HOMER1: variants seen among roughly 807,000 people sequenced by gnomAD.
HOMER1 encodes homer protein homolog 1.
A neutral mutation model predicts 48.9 loss-of-function variants in HOMER1; 3 were observed. The ratio of observed to expected loss-of-function variants is 0.06; its 90% CI spans 0.03 to 0.16. The LOEUF (loss-of-function observed/expected upper bound fraction) is 0.16, where lower values mean the gene tolerates loss of function less well. Among genes scored for constraint, HOMER1 ranks in the 10% least tolerant of loss-of-function variants. HOMER1 has a pLI of 1.00. For missense variants in HOMER1, 247 were observed against 411.4 expected, an observed-to-expected ratio of 0.60 and a Z score of 3.46; for synonymous variants, 134 against 146.4, an observed-to-expected ratio of 0.92 and a Z score of 0.61.
chr5:79,412,212 C>T (rs1001466468), intron 5 of HOMER1, among the ~76,000 whole-genome samples: 6 of 152,098 alleles, frequency 3.9e-5, no homozygotes, highest in African/African-American at 1.2e-4. Flanking sequence ...TGGGGTCAAT[C>T]CCTAACTATG....
chr5:79,377,225 A>T (rs1580407887), intron 8 of HOMER1, among the ~76,000 whole-genome samples: 1 of 152,122 alleles, frequency 6.6e-6, no homozygotes, highest in South Asian at 2.1e-4. Context: ...CTCGGCCTCC[A>T]AATGTGCTAG....
chr5:79,435,331 A>C (rs1171878961), intron 5 of HOMER1, among the ~76,000 whole-genome samples: 3 of 152,220 alleles, frequency 2.0e-5, no homozygotes, highest in African/African-American at 7.2e-5. Flanking sequence ...TGGCTTGCTA[A>C]GTAGCTATTA....
At chr5:79,499,432 T>G (rs997588264) in intron 1 of HOMER1, among the ~76,000 whole-genome samples, 1 of 152,218 alleles carries the variant, frequency 6.6e-6, no homozygotes, top group African/African-American at 2.4e-5. Flanking sequence ...GGGTTTGGAC[T>G]GCACCAGTAT....
At chr5:79,463,719 A>G (rs1290349148) in intron 1 of HOMER1, among the ~76,000 whole-genome samples, 8 of 152,244 alleles carry the variant, frequency 5.3e-5, no homozygotes, top group Non-Finnish European at 1.2e-4. Flanking sequence ...ACTTCATAAC[A>G]CCACCCCACA....
At chr5:79,402,101 G>T (rs777481676) in intron 5 of HOMER1, 46 bp from the exon 6 acceptor site, 3 of 1,512,418 alleles carry the variant, frequency 2.0e-6, no homozygotes, top group Admixed American at 3.6e-5. Flanking sequence ...ACCAACTACT[G>T]TTACCTTGAA....
chr5:79,475,427 A>G lies in HOMER1; in HGVS notation c.6-18409T>C, dbSNP rs1281701092. ...AATGCTGAAAAAATTAAATTCTTAGACTTTTTTTTTTTTTTTTTTTGCACC... is the reference window on the plus strand; with the variant it reads ...AATGCTGAAAAAATTAAATTCTTAGGCTTTTTTTTTTTTTTTTTTTGCACC... On this transcript the variant is annotated intron_variant, in intron 1 of 8. Transcript: ENST00000334082. Among the ~76,000 whole-genome samples, 7 of 128,070 alleles carry G rather than the reference A, an allele frequency of 5.5e-5. No homozygotes were observed. The East Asian group carries it at 1.6e-3, about 30-fold the overall frequency. The allele number at this position is 128,070 out of a possible 152,430, so 84.0% of individuals were successfully genotyped here.
intron 4 of HOMER1, 112 bp from the exon 5 acceptor site, chr5:79,439,261 C>A: frequency 1.1e-6 from 1 of 909,676 alleles, no homozygotes. Context: ...AACCAAATTT[C>A]AACTGAAATT....
At chr5:79,453,723 T>C (rs575674185) in intron 2 of HOMER1, among the ~76,000 whole-genome samples, 2 of 152,282 alleles carry the variant, frequency 1.3e-5, no homozygotes, top group South Asian at 4.1e-4. Context: ...CTCTGTAGAA[T>C]AATCAGAAAA....
intron 5 of HOMER1, among the ~76,000 whole-genome samples, chr5:79,421,456 A>G (rs1489922560): frequency 6.6e-6 from 1 of 152,232 alleles, no homozygotes. Context: ...AAGAAATAAT[A>G]TAACATATAA....
At chr5:79,509,336 T>C (rs1015858680) in intron 1 of HOMER1, among the ~76,000 whole-genome samples, 2 of 152,176 alleles carry the variant, frequency 1.3e-5, no homozygotes, top group Non-Finnish European at 2.9e-5. Context: ...AAAGAATTCT[T>C]TACCATTGCT....
At chr5:79,384,825 A>G (rs926543094) in intron 8 of HOMER1, among the ~76,000 whole-genome samples, 13 of 152,230 alleles carry the variant, frequency 8.5e-5, no homozygotes, top group Non-Finnish European at 1.3e-4. Context: ...TATACCAAGG[A>G]AACAAGGATG....
intron 1 of HOMER1, among the ~76,000 whole-genome samples, chr5:79,473,406 G>C (rs1751675101): frequency 6.6e-6 from 1 of 151,948 alleles, no homozygotes; most frequent in Admixed American, 6.6e-5. Context: ...TTCCAATATG[G>C]CCCAGGGAAG....
At chr5:79,458,211 T>C (rs953850992) in intron 1 of HOMER1, among the ~76,000 whole-genome samples, 8 of 152,104 alleles carry the variant, frequency 5.3e-5, no homozygotes, top group Non-Finnish European at 8.8e-5. Flanking sequence ...GATCTATATA[T>C]AATAGAAGCA....
chr5:79,387,073 CT>C (rs1749135000), intron 8 of HOMER1, among the ~76,000 whole-genome samples: 1 of 123,892 alleles, frequency 8.1e-6, no homozygotes, highest in Non-Finnish European at 1.7e-5. Context: ...CTTTCTTTCT[CT>C]ATCTCTCTCT....
chr5:79,435,875 C>T (rs2112270841), intron 5 of HOMER1, among the ~76,000 whole-genome samples: 1 of 126,082 alleles, frequency 7.9e-6, no homozygotes, highest in African/African-American at 3.0e-5. Flanking sequence ...GCCTGTAATC[C>T]CAGCACTTTG....
rs1282810601 is a variant in HOMER1, at chr5:79,375,044, A to C, written c.*965T>G. On this transcript the variant is annotated 3_prime_UTR_variant, in exon 9 of 9. Transcript: ENST00000334082. ...CACCTTAAAATTATCTATAATAAACAGTTCCCCAATAACCATTATTATTCG... is the reference window on the plus strand; with the variant it reads ...CACCTTAAAATTATCTATAATAAACCGTTCCCCAATAACCATTATTATTCG... 1 of 152,098 alleles carries C rather than the reference A, an allele frequency of 6.6e-6. No homozygotes were observed. The highest frequency in any genetic ancestry group is 6.5e-5 in the Admixed American group (1 of 15,268). 9.4% of individuals were successfully genotyped at this position (152,098 alleles called of 1,614,324 possible).
At chr5:79,381,885 C>CAAA (rs142328749) in intron 8 of HOMER1, among the ~76,000 whole-genome samples, 1 of 138,012 alleles carries the variant, frequency 7.2e-6, no homozygotes, top group African/African-American at 2.6e-5. Context: ...ACTCCATCTC[C>CAAA]AAAAAAAAAA....
At chr5:79,403,877 A>G (rs1051207217) in intron 5 of HOMER1, among the ~76,000 whole-genome samples, 4 of 152,226 alleles carry the variant, frequency 2.6e-5, no homozygotes, top group African/African-American at 9.6e-5. Flanking sequence ...AAATATCATC[A>G]AAACATGAAA....
intron 1 of HOMER1, among the ~76,000 whole-genome samples, chr5:79,476,086 A>G (rs1442225321): frequency 6.6e-6 from 1 of 152,188 alleles, no homozygotes; most frequent in East Asian, 1.9e-4. Context: ...AATAGCATAA[A>G]GCCCCCAAAT....
Sources: allele counts gnomAD v4.1 joint callset (sites outside exome capture counted in the v4.1 genomes callset), GRCh38; gene constraint gnomAD v4.1.1; transcripts MANE v1.5; gene names NCBI Gene and HGNC (gene_info 2026-07-23, HGNC 2026-07-21).